Variants in RC3H1 observed in about 807,000 individuals in gnomAD.
The protein encoded by RC3H1 is roquin-1.
RC3H1 carries 50 observed loss-of-function variants against 138.2 expected under a neutral mutation model. That is an observed-to-expected ratio of 0.36 (90% CI 0.29 to 0.46). The LOEUF is 0.46. Ranked by LOEUF, RC3H1 falls within the 20% of genes least tolerant of loss-of-function variation. The pLI is 1.00. For synonymous variants in RC3H1, 462 were observed against 489.1 expected (o/e 0.94, Z 0.73); for missense variants, 1,031 against 1,388.1 (o/e 0.74, Z 4.09).
intron 1 of RC3H1, among the ~76,000 whole-genome samples, chr1:173,994,008 GA>G (rs1460985535): frequency 9.0e-6 from 1 of 111,634 alleles, no homozygotes; most frequent in Non-Finnish European, 1.7e-5. Flanking sequence ...GAACAAGAGT[GA>G]AACTCCATCT....
chr1:173,976,895 T>C (rs1054498748), intron 7 of RC3H1, among the ~76,000 whole-genome samples: 1 of 151,480 alleles, frequency 6.6e-6, no homozygotes, highest in East Asian at 1.9e-4. Context: ...AGTTTATGAG[T>C]GTGGAAGGAA....
intron 9 of RC3H1, among the ~76,000 whole-genome samples, chr1:173,966,692 G>A (rs557850741): frequency 1.0e-3 from 157 of 151,940 alleles, no homozygotes; most frequent in Non-Finnish European, 1.8e-3. Context: ...TCCAGCCTGG[G>A]CGACAGAGCG....
chr1:173,952,402 TAAAAAAA>T, intron 13 of RC3H1, among the ~76,000 whole-genome samples: 1 of 47,188 alleles, frequency 2.1e-5, no homozygotes, highest in East Asian at 5.8e-4. Flanking sequence ...TAGCAGAAGG[TAAAAAAA>T]AAAAAAAAAA....
intron 13 of RC3H1, among the ~76,000 whole-genome samples, chr1:173,958,170 T>C (rs2102916326): frequency 6.6e-6 from 1 of 151,648 alleles, no homozygotes; most frequent in South Asian, 2.1e-4. Context: ...AAACCTTACT[T>C]GATTATTAAA....
chr1:173,944,572 C>T (rs941245336), intron 17 of RC3H1, among the ~76,000 whole-genome samples: 1 of 151,906 alleles, frequency 6.6e-6, no homozygotes, highest in Non-Finnish European at 1.5e-5. Context: ...GTATATAAAA[C>T]AAACAAACAA....
intron 1 of RC3H1, among the ~76,000 whole-genome samples, chr1:174,002,435 A>C (rs967616469): frequency 6.6e-6 from 1 of 152,170 alleles, no homozygotes; most frequent in African/African-American, 2.4e-5. Flanking sequence ...AATATGATGA[A>C]ATTAAGACAT....
intron 1 of RC3H1, among the ~76,000 whole-genome samples, chr1:174,008,164 T>C (rs913312954): frequency 1.3e-5 from 2 of 152,228 alleles, no homozygotes; most frequent in Non-Finnish European, 2.9e-5. Flanking sequence ...AACAGGTACA[T>C]ATCTAATTAT....
chr1:173,933,496 GAAATA>G lies in RC3H1; in HGVS notation c.*5220_*5224del, dbSNP rs1658465122. The stretch of plus-strand genomic sequence containing the variant: ...TGTGGAAAGATCTTTAGTGAACACA[GAAATA>G]AAATCTTAAAAATTCAAATCTTAAG... On this transcript the variant is annotated 3_prime_UTR_variant, in exon 20 of 20. Transcript: ENST00000367696. 2 of 152,040 alleles carry G rather than the reference GAAATA, an allele frequency of 1.3e-5. No homozygotes were observed. The highest frequency in any genetic ancestry group is 6.6e-5 in the Admixed American group (1 of 15,250). 9.4% of individuals were successfully genotyped at this position (152,040 alleles called of 1,614,324 possible).
rs367804550 is a variant in RC3H1 at position 173,985,247 on chromosome 1, C to T, written c.232-628G>A. On this transcript the variant is annotated intron_variant, in intron 2 of 19. Coordinates refer to ENST00000367696, the MANE Select transcript of RC3H1 (RefSeq NM_172071.4). ...AGGTTGTTTCTATTTTTGACTACTA[C>T]GAATAATGCTGCTATGAACATCTGT... 8.5e-5 allele frequency among the ~76,000 whole-genome samples: 13 copies of T among 152,214 alleles called. 1 individual carries two copies. The highest frequency in any genetic ancestry group is 2.4e-4 in the African/African-American group (10 of 41,542).
intron 1 of RC3H1, among the ~76,000 whole-genome samples, chr1:173,997,188 G>C (rs1661476281): frequency 6.6e-6 from 1 of 152,142 alleles, no homozygotes; most frequent in South Asian, 2.1e-4. Context: ...TTGCTCCACT[G>C]CACTCCAGCC....
chr1:174,003,097 AT>A (rs1661588632), intron 1 of RC3H1, among the ~76,000 whole-genome samples: 2 of 152,178 alleles, frequency 1.3e-5, no homozygotes, highest in Non-Finnish European at 2.9e-5. Flanking sequence ...TGATAAAAGC[AT>A]GGGGAACTGC....
chr1:173,957,039 G>C (rs563467801), intron 13 of RC3H1, among the ~76,000 whole-genome samples: 2 of 151,836 alleles, frequency 1.3e-5, no homozygotes, highest in East Asian at 3.9e-4. Flanking sequence ...TCAGTCTCCC[G>C]AGTAGCTGGG....
intron 14 of RC3H1, among the ~76,000 whole-genome samples, chr1:173,948,305 T>C (rs1659224091): frequency 6.6e-6 from 1 of 152,124 alleles, no homozygotes; most frequent in African/African-American, 2.4e-5. Context: ...CTAATCTGAG[T>C]TTTGTTCCTT....
intron 12 of RC3H1, 51 bp from the exon 13 acceptor site, chr1:173,961,295 A>G: frequency 6.7e-7 from 1 of 1,494,404 alleles, no homozygotes; most frequent in South Asian, 1.2e-5. Flanking sequence ...AGGACAGATT[A>G]ATTCATTTAA....
chr1:173,946,716 G>C (rs754352689), intron 16 of RC3H1, 30 bp downstream of exon 16: 2 of 1,600,728 alleles, frequency 1.2e-6, no homozygotes, highest in Non-Finnish European at 8.6e-7. Context: ...GTTTCTACAT[G>C]TTTGTTCAAG....
intron 9 of RC3H1, among the ~76,000 whole-genome samples, chr1:173,969,100 G>A (rs927821378): frequency 5.3e-5 from 8 of 151,536 alleles, no homozygotes; most frequent in South Asian, 2.1e-4. Flanking sequence ...CTTGTGATCC[G>A]CCCGCTTCAG....
intron 1 of RC3H1, among the ~76,000 whole-genome samples, chr1:173,995,149 A>G (rs1661433647): frequency 6.6e-6 from 1 of 152,170 alleles, no homozygotes; most frequent in Non-Finnish European, 1.5e-5. Flanking sequence ...CTGCTGAACG[A>G]AAGTTAAGGG....
At chr1:173,978,703 C>A in intron 6 of RC3H1, 83 bp from the exon 7 acceptor site, 2 of 1,393,328 alleles carry the variant, frequency 1.4e-6, no homozygotes, top group Non-Finnish European at 1.9e-6. Flanking sequence ...ATCATTTTTG[C>A]GATTTATTAA....
Position 173,975,714 on chromosome 1 carries a change from A to C in RC3H1, c.1102+2774T>G, listed in dbSNP as rs1468711060. Among the ~76,000 whole-genome samples the C allele has an allele frequency of 8.8e-5, 6 of 68,056 alleles. 1 individual carries two copies. Among genetic ancestry groups the C allele is most frequent in the Middle Eastern group, 9.4e-3 (1 of 106 alleles). The allele number at this position is 68,056 out of a possible 152,430, so 44.6% of individuals were successfully genotyped here. ...GAGATCGAGACCATCCTGGCTAACA[A>C]GGTGAAACCCCGTCTCTACTAAAAA... On this transcript the variant is annotated intron_variant, in intron 7 of 19. Coordinates refer to ENST00000367696, the MANE Select transcript of RC3H1 (RefSeq NM_172071.4).
Sources: allele counts gnomAD v4.1 joint callset (sites outside exome capture counted in the v4.1 genomes callset), GRCh38; gene constraint gnomAD v4.1.1; transcripts MANE v1.5; gene names NCBI Gene and HGNC (gene_info 2026-07-23, HGNC 2026-07-21).